IL1RAPL2: variants seen among roughly 807,000 people sequenced by gnomAD.
The protein encoded by IL1RAPL2 is X-linked interleukin-1 receptor accessory protein-like 2.
In IL1RAPL2, 3 loss-of-function variants were observed where a neutral mutation model predicts 44.1. That is an observed-to-expected ratio of 0.07 (90% CI 0.03 to 0.18). IL1RAPL2 has a LOEUF of 0.18. IL1RAPL2 is among the 10% of genes least tolerant of loss of function. IL1RAPL2 has a pLI of 1.00. For missense variants in IL1RAPL2, 391 were observed against 496.4 expected (o/e 0.79, Z 2.02); for synonymous variants, 181 against 178.8 (o/e 1.01, Z -0.10).
chrX:105,102,212 A>C (rs1204955054), intron 2 of IL1RAPL2, among the ~76,000 whole-genome samples: 1 of 111,448 alleles, frequency 9.0e-6, no homozygotes, highest in Non-Finnish European at 1.9e-5. Context: ...AGTTTAGCTG[A>C]CTAGTCTAAC....
At chrX:104,735,551 A>G (rs1479257727) in intron 2 of IL1RAPL2, among the ~76,000 whole-genome samples, 1 of 111,546 alleles carries the variant, frequency 9.0e-6, no homozygotes, top group Non-Finnish European at 1.9e-5. Context: ...TATATTAAAT[A>G]TTAGTGTTGT....
At chrX:105,363,332 CTTCA>C (rs1371515063) in intron 5 of IL1RAPL2, among the ~76,000 whole-genome samples, 163 of 70,435 alleles carry the variant, frequency 2.3e-3, no homozygotes, top group Non-Finnish European at 3.5e-3. Context: ...TATATATATT[CTTCA>C]TTCATTCATT....
At chrX:105,029,239 ATTTAT>A (rs1324576014) in intron 2 of IL1RAPL2, among the ~76,000 whole-genome samples, 13 of 96,242 alleles carry the variant, frequency 1.4e-4, no homozygotes, top group African/African-American at 5.0e-4. Context: ...TTTATTTTTT[ATTTAT>A]TTATTTTTAT....
chrX:105,443,595 A>G (rs2035935428), intron 5 of IL1RAPL2, among the ~76,000 whole-genome samples: 1 of 112,221 alleles, frequency 8.9e-6, no homozygotes, highest in African/African-American at 3.2e-5. Context: ...TGAGTGGAAC[A>G]TATGGTGTTT....
chrX:105,522,200 T>C lies in IL1RAPL2; in HGVS notation c.772+37813T>C, dbSNP rs973300539. On this transcript the variant is annotated intron_variant, in intron 6 of 10. Transcript: ENST00000372582. Reference sequence around the variant, plus strand: ...ATCAAACTTTTACCCTTTGGAATTATTTAGTTTGAGGGAGGTGATTTGACA... The same window carrying C: ...ATCAAACTTTTACCCTTTGGAATTACTTAGTTTGAGGGAGGTGATTTGACA... 3.6e-5 allele frequency among the ~76,000 whole-genome samples: 4 copies of C among 112,169 alleles called. No homozygotes were observed. The Admixed American group carries it at 3.8e-4, about 11-fold the overall frequency.
At chrX:105,190,683 A>C (rs1208133355) in intron 2 of IL1RAPL2, among the ~76,000 whole-genome samples, 1 of 112,406 alleles carries the variant, frequency 8.9e-6, no homozygotes, top group East Asian at 2.8e-4. Context: ...AGAATCAGCA[A>C]TTCTATACAT....
chrX:104,953,305 G>T (rs906087483), intron 2 of IL1RAPL2, among the ~76,000 whole-genome samples: 1 of 111,888 alleles, frequency 8.9e-6, no homozygotes, highest in African/African-American at 3.2e-5. Context: ...AGAAAACACA[G>T]TTGCTGTGGA....
At chrX:105,412,805 A>G (rs889342720) in intron 5 of IL1RAPL2, among the ~76,000 whole-genome samples, 4 of 112,068 alleles carry the variant, frequency 3.6e-5, no homozygotes, top group South Asian at 3.7e-4. Flanking sequence ...CTCCATAAGT[A>G]TGTACAACTA....
intron 6 of IL1RAPL2, among the ~76,000 whole-genome samples, chrX:105,630,304 G>T (rs1332695167): frequency 9.0e-6 from 1 of 111,152 alleles, no homozygotes; most frequent in Non-Finnish European, 1.9e-5. Flanking sequence ...ACTTACTAGT[G>T]CAGGCACCCT....
At chrX:104,585,305 AT>A (rs1928509931) in intron 1 of IL1RAPL2, among the ~76,000 whole-genome samples, 1 of 21,841 alleles carries the variant, frequency 4.6e-5, no homozygotes, top group Non-Finnish European at 6.4e-5. Context: ...TATATTATAT[AT>A]TATATAATAT....
At chrX:104,718,265 T>C (rs1274597508) in intron 2 of IL1RAPL2, among the ~76,000 whole-genome samples, 1 of 111,319 alleles carries the variant, frequency 9.0e-6, no homozygotes, top group Non-Finnish European at 1.9e-5. Flanking sequence ...CTCCAGCACC[T>C]GTTGTTTCCT....
intron 2 of IL1RAPL2, among the ~76,000 whole-genome samples, chrX:105,180,354 AAC>A (rs1297398302): frequency 2.7e-5 from 3 of 109,974 alleles, no homozygotes; most frequent in Admixed American, 9.7e-5. Flanking sequence ...CAAAAACAAA[AAC>A]AAAAAAAAAA....
chrX:104,869,020 A>T, intron 2 of IL1RAPL2, among the ~76,000 whole-genome samples: 1 of 111,520 alleles, frequency 9.0e-6, no homozygotes, highest in South Asian at 3.7e-4. Flanking sequence ...TCTGCCTTGT[A>T]AAACACTGTT....
intron 5 of IL1RAPL2, among the ~76,000 whole-genome samples, chrX:105,274,065 G>A (rs1194838383): frequency 8.9e-6 from 1 of 111,900 alleles, no homozygotes; most frequent in East Asian, 2.8e-4. Context: ...AATGTGTATT[G>A]CATACCTAGA....
At chrX:105,219,593 C>G in intron 3 of IL1RAPL2, 1 of 1,210,329 alleles carries the variant, frequency 8.3e-7, no homozygotes, top group Non-Finnish European at 1.1e-6. Context: ...GCCACAACCT[C>G]CACATCCCTC....
chrX:105,399,508 CTG>C (rs1166421286), intron 5 of IL1RAPL2, among the ~76,000 whole-genome samples: 1 of 110,959 alleles, frequency 9.0e-6, no homozygotes, highest in East Asian at 2.8e-4. Context: ...TTATGTTTGT[CTG>C]TGTCCCCCAT....
chrX:105,306,294 A>G (rs889890712), intron 5 of IL1RAPL2, among the ~76,000 whole-genome samples: 1 of 111,336 alleles, frequency 9.0e-6, no homozygotes, highest in African/African-American at 3.3e-5. Flanking sequence ...TATAGACTTC[A>G]GTGTGTATTT....
At chrX:104,665,184 T>C (rs910222402) in intron 2 of IL1RAPL2, among the ~76,000 whole-genome samples, 4 of 111,418 alleles carry the variant, frequency 3.6e-5, no homozygotes, top group Non-Finnish European at 3.8e-5. Context: ...AAATTCAAAA[T>C]TATAGAAAAA....
chrX:105,411,293 AG>A (rs1364656625), intron 5 of IL1RAPL2, among the ~76,000 whole-genome samples: 2 of 111,764 alleles, frequency 1.8e-5, no homozygotes, highest in East Asian at 5.6e-4. Flanking sequence ...ATAAACTGGC[AG>A]AAGTAAGTTC....
Sources: gnomAD v4.1 joint callset for allele counts (sites outside exome capture counted in the v4.1 genomes callset) on GRCh38, gnomAD v4.1.1 for gene constraint, MANE v1.5 for transcripts, NCBI Gene and HGNC (gene_info 2026-07-23, HGNC 2026-07-21) for gene names.